The following HIPK2 variants were observed in gnomAD, a reference collection of about 807,000 sequenced individuals.
HIPK2 encodes homeodomain interacting protein kinase 2, also known as homeodomain-interacting protein kinase 2.
HIPK2 carries 27 observed loss-of-function variants against 113.7 expected under a neutral mutation model. That is an observed-to-expected ratio of 0.24 (90% CI 0.17 to 0.33). The LOEUF (loss-of-function observed/expected upper bound fraction) is 0.33, where lower values mean the gene tolerates loss of function less well. Among genes scored for constraint, HIPK2 ranks in the 10% least tolerant of loss-of-function variants. The pLI is 1.00. For synonymous variants in HIPK2, 631 were observed against 642.2 expected, an observed-to-expected ratio of 0.98 and a Z score of 0.26; for missense variants, 1,257 against 1,588.0, an observed-to-expected ratio of 0.79 and a Z score of 3.54.
At chr7:139,634,447 A>G (rs1213109301) in intron 2 of HIPK2, among the ~76,000 whole-genome samples, 1 of 152,006 alleles carries the variant, frequency 6.6e-6, no homozygotes, top group Non-Finnish European at 1.5e-5. Context: ...GGTGGCTCCA[A>G]GACATGTCCC....
At position 139,713,301 on chromosome 7, in the gene HIPK2, C is replaced by G. The variant is rs548542907; in HGVS notation, c.1103+2631G>C. 8.5e-4 allele frequency among the ~76,000 whole-genome samples: 130 copies of G among 152,292 alleles called. 1 individual carries two copies. Among genetic ancestry groups the G allele is most frequent in the African/African-American group, 3.0e-3 (124 of 41,554 alleles). ...TCGCTGTGAGTCCAGGTGAAGGAGT[C>G]AGCCCTCCCCAACCCTCACAGGCAA... On this transcript the variant is annotated intron_variant, in intron 2 of 14. Transcript: ENST00000406875.
At chr7:139,766,268 G>A (rs1796551521) in intron 1 of HIPK2, among the ~76,000 whole-genome samples, 1 of 152,212 alleles carries the variant, frequency 6.6e-6, no homozygotes, top group African/African-American at 2.4e-5. Context: ...GTGCAGAACT[G>A]GCAATAGCAA....
At chr7:139,649,286 T>A (rs949163588) in intron 2 of HIPK2, among the ~76,000 whole-genome samples, 1 of 151,990 alleles carries the variant, frequency 6.6e-6, no homozygotes, top group Non-Finnish European at 1.5e-5. Context: ...CAGCACCCCT[T>A]CCCCCAGGTA....
intron 11 of HIPK2, 67 bp from the exon 12 acceptor site, chr7:139,597,065 C>A: frequency 6.7e-7 from 1 of 1,499,516 alleles, no homozygotes; most frequent in Non-Finnish European, 8.9e-7. Flanking sequence ...CGAAGGAGCC[C>A]AATTGCCTAG....
intron 12 of HIPK2, among the ~76,000 whole-genome samples, chr7:139,594,943 G>C (rs1265609334): frequency 6.6e-6 from 1 of 152,108 alleles, no homozygotes; most frequent in African/African-American, 2.4e-5. Context: ...ATTTCTTTCT[G>C]GGGGCCTTAG....
chr7:139,646,209 C>T (rs1355930258), intron 2 of HIPK2, among the ~76,000 whole-genome samples: 1 of 152,086 alleles, frequency 6.6e-6, no homozygotes, highest in African/African-American at 2.4e-5. Context: ...CAAACGGTTC[C>T]CTTAAGGCTG....
intron 2 of HIPK2, among the ~76,000 whole-genome samples, chr7:139,695,309 C>T (rs959668508): frequency 5.3e-5 from 8 of 152,302 alleles, no homozygotes; most frequent in Non-Finnish European, 8.8e-5. Flanking sequence ...GTGGGTGGCT[C>T]AGAACGGAGG....
At chr7:139,578,001 C>A (rs983928681) in intron 13 of HIPK2, among the ~76,000 whole-genome samples, 2 of 152,074 alleles carry the variant, frequency 1.3e-5, no homozygotes, top group Non-Finnish European at 2.9e-5. Context: ...CAGGCATGCA[C>A]CACCACGCCC....
chr7:139,672,612 C>T (rs1802344128), intron 2 of HIPK2, among the ~76,000 whole-genome samples: 1 of 152,122 alleles, frequency 6.6e-6, no homozygotes, highest in African/African-American at 2.4e-5. Flanking sequence ...GGCGCTGCCA[C>T]CACGCCCGCC....
At chr7:139,629,109 A>G in intron 4 of HIPK2, 70 bp from the exon 5 acceptor site, 2 of 1,269,680 alleles carry the variant, frequency 1.6e-6, no homozygotes, top group Non-Finnish European at 2.2e-6. Flanking sequence ...AAGCCTTGGA[A>G]CTCCTGTGTC....
intron 13 of HIPK2, among the ~76,000 whole-genome samples, chr7:139,580,941 C>A (rs535616029): frequency 2.2e-4 from 33 of 152,280 alleles, no homozygotes; most frequent in African/African-American, 7.9e-4. Flanking sequence ...GTGTCTTGGC[C>A]GGGCATGGTG....
At chr7:139,760,144 A>G (rs1444979719) in intron 1 of HIPK2, among the ~76,000 whole-genome samples, 2 of 152,096 alleles carry the variant, frequency 1.3e-5, no homozygotes, top group Non-Finnish European at 2.9e-5. Flanking sequence ...CTGGGACTAC[A>G]GGCACCCGCC....
chr7:139,692,107 T>C (rs1424455526), intron 2 of HIPK2, among the ~76,000 whole-genome samples: 1 of 152,172 alleles, frequency 6.6e-6, no homozygotes, highest in Non-Finnish European at 1.5e-5. Context: ...AGCTTTTTGG[T>C]TTTCTAAAAA....
intron 2 of HIPK2, among the ~76,000 whole-genome samples, chr7:139,715,073 G>A (rs1332520595): frequency 2.0e-5 from 3 of 152,190 alleles, no homozygotes; most frequent in South Asian, 2.1e-4. Context: ...TGTCGGCAGC[G>A]GTTCCAATCC....
rs1350490012 is a variant in HIPK2, at chr7:139,571,736, TCA to T, written c.*1189_*1190del. On this transcript the variant is annotated 3_prime_UTR_variant, in exon 15 of 15. Coordinates refer to ENST00000406875, the MANE Select transcript of HIPK2 (RefSeq NM_022740.5). Reference sequence around the variant, plus strand: ...GAGCTGAGATTGTGTCTGACTAGCCTCAGTTTCTTGGAGTACCAGTGGAAGTA... The same window carrying T: ...GAGCTGAGATTGTGTCTGACTAGCCTGTTTCTTGGAGTACCAGTGGAAGTA... The T allele has an allele frequency of 6.6e-6, 1 of 152,062 alleles. No individual in the cohort carries two copies. The highest frequency in any genetic ancestry group is 1.5e-5 in the Non-Finnish European group (1 of 68,026). The allele number at this position is 152,062 out of a possible 1,614,324, so 9.4% of individuals were successfully genotyped here.
intron 2 of HIPK2, among the ~76,000 whole-genome samples, chr7:139,653,883 C>A (rs1332704745): frequency 6.6e-6 from 1 of 152,056 alleles, no homozygotes; most frequent in East Asian, 1.9e-4. Flanking sequence ...AAGGTGCCTG[C>A]CACCACGCCC....
chr7:139,598,882 T>A (rs1585256682), intron 11 of HIPK2, among the ~76,000 whole-genome samples: 1 of 152,200 alleles, frequency 6.6e-6, no homozygotes, highest in South Asian at 2.1e-4. Context: ...AATAATGACA[T>A]GGGTGAGCTG....
chr7:139,564,456 C>T lies in HIPK2; in HGVS notation c.*8471G>A, dbSNP rs1798034443. ...ACCAGGTTATCTGTTCTCAATGACT[C>T]TTCCAAGATGTCAGAGAGAAGGCCT... On this transcript the variant is annotated 3_prime_UTR_variant, in exon 15 of 15. Coordinates refer to ENST00000406875, the MANE Select transcript of HIPK2 (RefSeq NM_022740.5). 1 of 152,316 alleles carries T rather than the reference C, an allele frequency of 6.6e-6. No individual in the cohort carries two copies. Among genetic ancestry groups the T allele is most frequent in the Non-Finnish European group, 1.5e-5 (1 of 68,120 alleles). 9.4% of individuals were successfully genotyped at this position (152,316 alleles called of 1,614,324 possible).
intron 2 of HIPK2, among the ~76,000 whole-genome samples, chr7:139,650,624 T>C (rs1346789317): frequency 2.0e-5 from 3 of 152,188 alleles, no homozygotes; most frequent in Admixed American, 1.3e-4. Flanking sequence ...CCTCTCACAC[T>C]GAGCAGGGCA....
Sources: gnomAD v4.1 joint callset for allele counts (sites outside exome capture counted in the v4.1 genomes callset) on GRCh38, gnomAD v4.1.1 for gene constraint, MANE v1.5 for transcripts, NCBI Gene and HGNC (gene_info 2026-07-23, HGNC 2026-07-21) for gene names.